Variants in SLC25A17 observed in about 807,000 individuals in gnomAD.
The protein encoded by SLC25A17 is solute carrier family 25 member 17.
In SLC25A17, 26 loss-of-function variants were observed where a neutral mutation model predicts 38.5. That is an observed-to-expected ratio of 0.68 (90% CI 0.50 to 0.94). The LOEUF is 0.94. SLC25A17 is among the 40% of genes least tolerant of loss of function. SLC25A17 has a pLI of 0.00. For synonymous variants in SLC25A17, 139 were observed against 136.2 expected, an observed-to-expected ratio of 1.02 and a Z score of -0.14; for missense variants, 333 against 372.7, an observed-to-expected ratio of 0.89 and a Z score of 0.88.
chr22:40,775,745 G>T (rs1343436887), intron 7 of SLC25A17, among the ~76,000 whole-genome samples: 1 of 151,908 alleles, frequency 6.6e-6, no homozygotes, highest in African/African-American at 2.4e-5. Context: ...TTACAGGCGT[G>T]AGCCACCGCG....
chr22:40,794,678 G>A, intron 2 of SLC25A17, 98 bp from the exon 3 acceptor site: 2 of 566,320 alleles, frequency 3.5e-6, no homozygotes, highest in Non-Finnish European at 6.0e-6. Flanking sequence ...GGAGTGCAGT[G>A]GCGTGATCTC....
At chr22:40,782,721 T>C (rs1442188850) in intron 4 of SLC25A17, among the ~76,000 whole-genome samples, 1 of 152,354 alleles carries the variant, frequency 6.6e-6, no homozygotes, top group Non-Finnish European at 1.5e-5. Context: ...GGAACAAACC[T>C]GTCTTGCCAG....
At position 40,816,782 on chromosome 22, in the gene SLC25A17, T is replaced by C. The variant is rs2145717310; in HGVS notation, c.54+2413A>G. Reference sequence around the variant, plus strand: ...CCCACCACCATGCCTGGCTACTTTTTGTATTTTTAGTAGAGACGGGGTTTC... The same window carrying C: ...CCCACCACCATGCCTGGCTACTTTTCGTATTTTTAGTAGAGACGGGGTTTC... On this transcript the variant is annotated intron_variant, in intron 1 of 8. Transcript: ENST00000435456. 1.3e-5 allele frequency among the ~76,000 whole-genome samples: 2 copies of C among 152,222 alleles called. 1 individual carries two copies. Among genetic ancestry groups the C allele is most frequent in the South Asian group, 4.1e-4 (2 of 4,826 alleles).
Position 40,792,656 on chromosome 22 carries a change from C to T in SLC25A17, c.203G>A (p.Trp68Ter). ...GCAGAGACTGGAAATCACTGGAAAC[C>T]ACCCTCGATATGGTGCCAGGCTAGG... ...EEGLLAPYRG[W>*]FPVISSLCCS... Residue 68 changes from tryptophan to a stop codon, truncating the protein, a stop_gained, in exon 4 of 9, where the codon TGG becomes TAG. Transcript: ENST00000435456. LOFTEE classifies it high-confidence loss of function. 3 of 1,613,980 alleles carry T rather than the reference C, an allele frequency of 1.9e-6. No homozygotes were observed. The highest frequency in any genetic ancestry group is 2.5e-6 in the Non-Finnish European group (3 of 1,179,938).
chr22:40,796,575 G>C (rs188988380), intron 2 of SLC25A17, among the ~76,000 whole-genome samples: 17 of 150,994 alleles, frequency 1.1e-4, no homozygotes, highest in African/African-American at 4.1e-4. Context: ...GGCCGAGATT[G>C]TGCCACTGCA....
Position 40,770,857 on chromosome 22 carries a change from G to A in SLC25A17, c.901C>T (p.Leu301=). ...LTAATFTVMG[L]KRAHQH ...TCTCAGTGTTGGTGTGCACGCTTCA[G>A]CCCCATAACTGTGAAGGTGGCAGCT... The change falls in exon 9 of 9, where the codon CTG becomes TTG. Residue 301 remains leucine (L), a synonymous_variant. Coordinates refer to ENST00000435456, the MANE Select transcript of SLC25A17 (RefSeq NM_006358.4). The A allele has an allele frequency of 6.2e-7, 1 of 1,613,242 alleles. No homozygotes were observed. Among genetic ancestry groups the A allele is most frequent in the Non-Finnish European group, 8.5e-7 (1 of 1,179,414 alleles).
chr22:40,789,149 G>C lies in SLC25A17; in HGVS notation c.334+3376C>G. On this transcript the variant is annotated intron_variant, in intron 4 of 8. Coordinates refer to ENST00000435456, the MANE Select transcript of SLC25A17 (RefSeq NM_006358.4). This position sits in a 1 kb window ranked among gnomAD's most constrained non-coding sequence, Gnocchi z 4.5. ...TCGGCTGGCAGATTATCTACCACTT[G>C]CTCAGGAAAATTAGCTGTGGGGGAT... 1 of 262,322 alleles carries C rather than the reference G, an allele frequency of 3.8e-6. No individual in the cohort carries two copies. The highest frequency in any genetic ancestry group is 7.8e-6 in the Non-Finnish European group (1 of 127,984). The allele number at this position is 262,322 out of a possible 1,614,324, so 16.2% of individuals were successfully genotyped here.
chr22:40,804,902 A>G (rs1386776798), intron 1 of SLC25A17, among the ~76,000 whole-genome samples: 1 of 152,096 alleles, frequency 6.6e-6, no homozygotes, highest in Non-Finnish European at 1.5e-5. Context: ...TTAAGCCAGG[A>G]GTTTGAGACC....
chr22:40,811,474 G>A (rs2057580640), intron 1 of SLC25A17, among the ~76,000 whole-genome samples: 1 of 151,598 alleles, frequency 6.6e-6, no homozygotes, highest in African/African-American at 2.4e-5. Flanking sequence ...CTGTCGCCCA[G>A]GCTGGAGTGC....
At chr22:40,775,436 GTTTTTTTTTTTTTTTTTTTTTTTT>G (rs71200615) in intron 7 of SLC25A17, among the ~76,000 whole-genome samples, 3 of 86,872 alleles carry the variant, frequency 3.5e-5, no homozygotes, top group South Asian at 4.0e-4. Flanking sequence ...AGATCTGATG[GTTTTTTTTTTTTTTTTTTTTTTTT>G]TTTTTTTTTT....
chr22:40,811,142 G>C (rs1382343570), intron 1 of SLC25A17, among the ~76,000 whole-genome samples: 1 of 152,074 alleles, frequency 6.6e-6, no homozygotes, highest in Non-Finnish European at 1.5e-5. Flanking sequence ...TGTTGCCCAG[G>C]CTGGTCTTGA....
intron 1 of SLC25A17, among the ~76,000 whole-genome samples, chr22:40,817,699 G>A (rs1005018922): frequency 2.0e-5 from 3 of 152,098 alleles, no homozygotes; most frequent in Admixed American, 1.3e-4. Context: ...ATAATTGCTT[G>A]TCCCCTGTTC....
intron 1 of SLC25A17, among the ~76,000 whole-genome samples, chr22:40,811,825 A>G (rs2057584185): frequency 6.6e-6 from 1 of 152,142 alleles, no homozygotes; most frequent in Non-Finnish European, 1.5e-5. Context: ...ACCTCCCACT[A>G]GGCCTCACCT....
chr22:40,806,322 A>C (rs1226891073), intron 1 of SLC25A17, among the ~76,000 whole-genome samples: 1 of 152,220 alleles, frequency 6.6e-6, no homozygotes, highest in African/African-American at 2.4e-5. Flanking sequence ...TGTAAATGTG[A>C]GGGTTAAATA....
At chr22:40,807,662 T>C (rs890865078) in intron 1 of SLC25A17, among the ~76,000 whole-genome samples, 4 of 152,008 alleles carry the variant, frequency 2.6e-5, no homozygotes, top group Admixed American at 6.6e-5. Flanking sequence ...GGCAAGAGAA[T>C]AGCATGAACC....
rs1227246381 is a variant in SLC25A17, at chr22:40,779,153, G to A, written c.335-28C>T. The A allele has an allele frequency of 8.7e-6, 14 of 1,613,954 alleles. No individual in the cohort carries two copies. The Admixed American group carries it at 1.8e-4, about 21-fold the overall frequency. ...TTAACAAGAAAGATGGAGAGAAAAA[G>A]GGAAGGCAAAATGTCAGCTTTTAAG... On this transcript the variant is annotated intron_variant, in intron 4 of 8. Transcript: ENST00000435456.
At position 40,813,870 on chromosome 22, in the gene SLC25A17, G is replaced by A. The variant is rs138322; in HGVS notation, c.54+5325C>T. ...CACTGTTAATTTTAGGGCCCTAAAA[G>A]GAGTAATGTCTTCTCAAGTTCCTTC... On this transcript the variant is annotated intron_variant, in intron 1 of 8. Transcript: ENST00000435456. 880 of 152,550 alleles carry A rather than the reference G, an allele frequency of 5.8e-3. 3 individuals are homozygous for A. Among genetic ancestry groups the A allele is most frequent in the Non-Finnish European group, 9.2e-3 (629 of 68,178 alleles). 9.4% of individuals were successfully genotyped at this position (152,550 alleles called of 1,614,324 possible).
At chr22:40,787,019 A>T (rs1411185563) in intron 4 of SLC25A17, among the ~76,000 whole-genome samples, 1 of 152,236 alleles carries the variant, frequency 6.6e-6, no homozygotes, top group Non-Finnish European at 1.5e-5. Context: ...CTAGCAAAAG[A>T]TGAAGAAGAA....
chr22:40,814,769 A>ATGTG (rs1228004652), intron 1 of SLC25A17, among the ~76,000 whole-genome samples: 2 of 21,802 alleles, frequency 9.2e-5, no homozygotes, highest in African/African-American at 4.7e-4. Flanking sequence ...ATATATATAT[A>ATGTG]TATATATATA....
Sources: gnomAD v4.1 joint callset for allele counts (sites outside exome capture counted in the v4.1 genomes callset) on GRCh38, gnomAD v4.1.1 for gene constraint, Gnocchi (gnomAD v3.1) non-coding constraint, MANE v1.5 for transcripts, NCBI Gene and HGNC (gene_info 2026-07-23, HGNC 2026-07-21) for gene names.